P4HA1: variants seen among roughly 807,000 people sequenced by gnomAD.
The protein encoded by P4HA1 is prolyl 4-hydroxylase subunit alpha 1.
In P4HA1, 24 loss-of-function variants were observed where a neutral mutation model predicts 72.8. The observed-to-expected ratio is 0.33, with a 90% CI of 0.24 to 0.46. P4HA1 has a LOEUF of 0.46. Among genes scored for constraint, P4HA1 ranks in the 20% least tolerant of loss-of-function variants. The pLI is 1.00. For synonymous variants in P4HA1, 201 were observed against 218.8 expected, an observed-to-expected ratio of 0.92 and a Z score of 0.72; for missense variants, 446 against 640.6, an observed-to-expected ratio of 0.70 and a Z score of 3.28.
intron 9 of P4HA1, among the ~76,000 whole-genome samples, chr10:73,040,764 T>A (rs1421447395): frequency 6.6e-6 from 1 of 152,000 alleles, no homozygotes; most frequent in Admixed American, 6.6e-5. Flanking sequence ...GAGCCACCAC[T>A]CCTGGCCGTA....
intron 4 of P4HA1, chr10:73,071,192 C>CA (rs36107511): frequency 3.4e-3 from 353 of 102,912 alleles, no homozygotes; most frequent in South Asian, 0.015. Flanking sequence ...ACCCTGTCTC[C>CA]AAAAAAAAAA....
intron 9 of P4HA1, among the ~76,000 whole-genome samples, chr10:73,042,332 A>C (rs1840754584): frequency 6.6e-6 from 1 of 152,178 alleles, no homozygotes; most frequent in African/African-American, 2.4e-5. Flanking sequence ...GAAATGCTGA[A>C]TCAACACATT....
At chr10:73,094,397 G>C (rs1842117060) in intron 1 of P4HA1, among the ~76,000 whole-genome samples, 1 of 152,112 alleles carries the variant, frequency 6.6e-6, no homozygotes, top group Non-Finnish European at 1.5e-5. Context: ...ATGGACTTGA[G>C]TGGGGGGGCA....
At chr10:73,083,966 A>T (rs944151771) in intron 1 of P4HA1, among the ~76,000 whole-genome samples, 3 of 152,242 alleles carry the variant, frequency 2.0e-5, no homozygotes, top group African/African-American at 7.2e-5. Context: ...ATTTCTGTAA[A>T]TAAACAAGCT....
intron 9 of P4HA1, among the ~76,000 whole-genome samples, chr10:73,035,412 T>G (rs893359398): frequency 2.2e-4 from 34 of 152,034 alleles, no homozygotes; most frequent in African/African-American, 8.2e-4. Flanking sequence ...TAGTTTCAGC[T>G]ACTTAGAGGC....
Position 73,059,423 on chromosome 10 carries a change from TTAAAAAAAAAAAAAAAAAA to T in P4HA1, c.464-5852_464-5834del, listed in dbSNP as rs1403408366. On this transcript the variant is annotated intron_variant, in intron 5 of 14. Transcript: ENST00000394890. ...CGGGCAAAATAATGAGACAATATATTTAAAAAAAAAAAAAAAAAAAAAAAAAAAAAAAAAAAAAGGCTGG... is the reference window on the plus strand; with the variant it reads ...CGGGCAAAATAATGAGACAATATATTAAAAAAAAAAAAAAAAAAAGGCTGG... 2.5e-3 allele frequency among the ~76,000 whole-genome samples: 117 copies of T among 47,586 alleles called. 3 individuals carry two copies. Among genetic ancestry groups the T allele is most frequent in the African/African-American group, 0.01 (112 of 11,106 alleles). 31.2% of individuals were successfully genotyped at this position (47,586 alleles called of 152,430 possible). A position where few individuals can be genotyped will look rare whatever the true frequency, so the allele number is the denominator to read the frequency against.
chr10:73,068,946 A>T lies in P4HA1; in HGVS notation c.363T>A (p.Phe121Leu), dbSNP rs767140761. 5 of 1,612,842 alleles carry T rather than the reference A, an allele frequency of 3.1e-6. No individual in the cohort carries two copies. In the South Asian group the frequency reaches 5.5e-5, roughly 18 times the overall value. Residue 121 changes from phenylalanine (F) to leucine (L), a missense_variant, in exon 5 of 15, where the codon TTT becomes TTA. Coordinates refer to ENST00000394890, the MANE Select transcript of P4HA1 (RefSeq NM_001017962.3). ...ISNLTIQRQY[F>L]PNDEDQVGAA... is the part of the protein sequence containing the mutation. ...CCCCAACCTGATCTTCATCATTAGG[A>T]AAGTACTGTCTCTGAATGGTTAGGT...
rs1157093343 is a variant in P4HA1 at position 73,051,213 on chromosome 10, T to C, written c.740A>G (p.Tyr247Cys). The change falls in exon 7 of 15, where the codon TAT becomes TGT. Residue 247 changes from tyrosine to cysteine, a missense_variant. Tyr to Cys is a radical substitution (Grantham distance 194, BLOSUM62 -2). Transcript: ENST00000394890. Reference protein sequence around the residue: ...EHQRANGNLKYFEYIMAKEKD... With the variant: ...EHQRANGNLKCFEYIMAKEKD... ...TTCTTTAGCCATTATATACTCAAAA[T>C]ATTTTAAGTTACCATTAGCTCTCTG... The C allele has an allele frequency of 6.2e-7, 1 of 1,602,394 alleles. No homozygotes were observed.
chr10:73,029,470 G>GT (rs1477322089), intron 10 of P4HA1, among the ~76,000 whole-genome samples: 4 of 150,620 alleles, frequency 2.7e-5, no homozygotes, highest in Non-Finnish European at 5.9e-5. Context: ...AAAGGCATTG[G>GT]TTTTTTTAGT....
chr10:73,027,818 A>AAGGGAGAGAGAGAGGAAGGAAGGG (rs1329432266), intron 10 of P4HA1, among the ~76,000 whole-genome samples: 1 of 128,986 alleles, frequency 7.8e-6, no homozygotes, highest in Non-Finnish European at 1.6e-5. Context: ...GGAAGGAAGG[A>AAGGGAGAGAGAGAGGAAGGAAGGG]AGGGAGAGAG....
chr10:73,045,449 C>T (rs969410015), intron 8 of P4HA1, among the ~76,000 whole-genome samples: 1 of 151,980 alleles, frequency 6.6e-6, no homozygotes, highest in African/African-American at 2.4e-5. Flanking sequence ...ATGATCCATT[C>T]CAAAACCTTT....
At chr10:73,088,694 G>T (rs1485207221) in intron 1 of P4HA1, among the ~76,000 whole-genome samples, 2 of 152,222 alleles carry the variant, frequency 1.3e-5, no homozygotes, top group Non-Finnish European at 2.9e-5. Context: ...TCCAACAGTG[G>T]ATACTTGGTG....
chr10:73,025,368 C>T (rs1011526029), intron 10 of P4HA1, among the ~76,000 whole-genome samples: 1 of 152,186 alleles, frequency 6.6e-6, no homozygotes, highest in Admixed American at 6.5e-5. Flanking sequence ...ACAAAAACCA[C>T]ATGATTATCT....
At chr10:73,009,968 T>C in intron 13 of P4HA1, 65 bp from the exon 14 acceptor site, 3 of 877,640 alleles carry the variant, frequency 3.4e-6, no homozygotes, top group Non-Finnish European at 3.6e-6. Flanking sequence ...TCGGTAGTTA[T>C]TACTTTTTTT....
rs555414636 is a variant in P4HA1 at position 73,053,201 on chromosome 10, AAAG to A, written c.703+147_703+149del. ...ATCAGCCATCATTTACTTTGAGAATAAAGAAGAGAATAATGTATATTTAACAAG... is the reference window on the plus strand; with the variant it reads ...ATCAGCCATCATTTACTTTGAGAATAAAGAGAATAATGTATATTTAACAAG... On this transcript the variant is annotated intron_variant, in intron 6 of 14. Coordinates refer to ENST00000394890, the MANE Select transcript of P4HA1 (RefSeq NM_001017962.3). 1.1e-4 allele frequency: 76 copies of A among 710,842 alleles called. No individual in the cohort carries two copies. The East Asian group carries it at 1.8e-3, about 17-fold the overall frequency. 44.0% of individuals were successfully genotyped at this position (710,842 alleles called of 1,614,324 possible).
Position 73,045,076 on chromosome 10 carries a change from T to C in P4HA1, c.1078-25A>G, listed in dbSNP as rs202215898. ...GCTGTGAAGCCAACCATCAAAATAGTTGCATTACAAAACAAAAAACTGAAT... is the reference window on the plus strand; with the variant it reads ...GCTGTGAAGCCAACCATCAAAATAGCTGCATTACAAAACAAAAAACTGAAT... On this transcript the variant is annotated intron_variant, in intron 8 of 14. Coordinates refer to ENST00000394890, the MANE Select transcript of P4HA1 (RefSeq NM_001017962.3). 216 of 1,601,452 alleles carry C rather than the reference T, an allele frequency of 1.3e-4. 1 individual carries two copies. The highest frequency in any genetic ancestry group is 2.4e-4 in the Admixed American group (14 of 59,100).
intron 3 of P4HA1, among the ~76,000 whole-genome samples, chr10:73,073,470 CT>C (rs1841615010): frequency 6.6e-6 from 1 of 152,058 alleles, no homozygotes; most frequent in South Asian, 2.1e-4. Context: ...ATCCACCCTC[CT>C]CGGCCTCCCA....
At chr10:73,070,006 C>T (rs757885991) in intron 4 of P4HA1, among the ~76,000 whole-genome samples, 1 of 151,952 alleles carries the variant, frequency 6.6e-6, no homozygotes, top group Admixed American at 6.6e-5. Flanking sequence ...GACGGGGTTT[C>T]ACCGTGTTGC....
chr10:73,015,021 G>C (rs1839983846), intron 11 of P4HA1, among the ~76,000 whole-genome samples: 1 of 151,624 alleles, frequency 6.6e-6, no homozygotes, highest in South Asian at 2.1e-4. Flanking sequence ...AGTAGAGATG[G>C]AGTTTCACCA....
Sources: gnomAD v4.1 joint callset for allele counts (sites outside exome capture counted in the v4.1 genomes callset) on GRCh38, gnomAD v4.1.1 for gene constraint, MANE v1.5 for transcripts, NCBI Gene and HGNC (gene_info 2026-07-23, HGNC 2026-07-21) for gene names.